Variants in RMND5A observed in about 807,000 individuals in gnomAD.
RMND5A encodes required for meiotic nuclear division 5 homolog A.
RMND5A carries 17 observed loss-of-function variants against 49.7 expected under a neutral mutation model. The observed-to-expected ratio is 0.34, with a 90% CI of 0.23 to 0.51. The LOEUF (loss-of-function observed/expected upper bound fraction) is 0.51. Ranked by LOEUF, RMND5A falls within the 20% of genes least tolerant of loss-of-function variation. RMND5A has a pLI of 0.96. For synonymous variants in RMND5A, 156 were observed against 167.7 expected, an observed-to-expected ratio of 0.93 and a Z score of 0.54; for missense variants, 255 against 471.3, an observed-to-expected ratio of 0.54 and a Z score of 4.25.
At chr2:86,760,893 T>C (rs926864604) in intron 4 of RMND5A, among the ~76,000 whole-genome samples, 9 of 152,160 alleles carry the variant, frequency 5.9e-5, no homozygotes, top group African/African-American at 1.7e-4. Context: ...TTTTCACTTA[T>C]ATTGCACTAG....
intron 2 of RMND5A, among the ~76,000 whole-genome samples, chr2:86,749,587 A>C (rs1369829870): frequency 6.6e-6 from 1 of 151,980 alleles, no homozygotes; most frequent in Admixed American, 6.5e-5. Flanking sequence ...ACGAGGTTTC[A>C]CCATGTTGGC....
At position 86,777,284 on chromosome 2, in the gene RMND5A, G is replaced by A. The variant is rs1442810869; in HGVS notation, c.*3873G>A. 1 of 152,158 alleles carries A rather than the reference G, an allele frequency of 6.6e-6. No homozygotes were observed. The highest frequency in any genetic ancestry group is 1.5e-5 in the Non-Finnish European group (1 of 68,028). The allele number at this position is 152,158 out of a possible 1,614,324, so 9.4% of individuals were successfully genotyped here. A position where few individuals can be genotyped will look rare whatever the true frequency, so the allele number is the denominator to read the frequency against. On this transcript the variant is annotated 3_prime_UTR_variant, in exon 9 of 9. Coordinates refer to ENST00000283632, the MANE Select transcript of RMND5A (RefSeq NM_022780.4). Reference sequence around the variant, plus strand: ...ACCTACATACACTCTTACTTTAGCAGTCACTTAACCTTCTCCAGCAAGGCA... The same window carrying A: ...ACCTACATACACTCTTACTTTAGCAATCACTTAACCTTCTCCAGCAAGGCA...
rs1401245841 is a variant in RMND5A, at chr2:86,775,864, CT to C, written c.*2454del. On this transcript the variant is annotated 3_prime_UTR_variant, in exon 9 of 9. Transcript: ENST00000283632. ...GCTGAGATACAGCATTCTGTCCCCC[CT>C]GCCCTAGAAACTCCATAAATGCTGT... The C allele has an allele frequency of 1.3e-5, 2 of 152,186 alleles. No individual in the cohort carries two copies. Among genetic ancestry groups the C allele is most frequent in the African/African-American group, 2.4e-5 (1 of 41,446 alleles). The allele number at this position is 152,186 out of a possible 1,614,324, so 9.4% of individuals were successfully genotyped here.
At position 86,776,763 on chromosome 2, in the gene RMND5A, C is replaced by T. The variant is rs978167088; in HGVS notation, c.*3352C>T. Reference sequence around the variant, plus strand: ...GTTATTTTCAGGGAAGGCATGGAGGCATAGTTTGGTTAGTTTCATCACTAG... The same window carrying T: ...GTTATTTTCAGGGAAGGCATGGAGGTATAGTTTGGTTAGTTTCATCACTAG... On this transcript the variant is annotated 3_prime_UTR_variant, in exon 9 of 9. Coordinates refer to ENST00000283632, the MANE Select transcript of RMND5A (RefSeq NM_022780.4). 6.6e-6 allele frequency: 1 copy of T among 152,196 alleles called. No individual in the cohort carries two copies. The highest frequency in any genetic ancestry group is 2.4e-5 in the African/African-American group (1 of 41,444). The allele number at this position is 152,196 out of a possible 1,614,324, so 9.4% of individuals were successfully genotyped here.
chr2:86,771,822 A>C (rs1573448053), intron 8 of RMND5A, 110 bp downstream of exon 8: 1 of 873,444 alleles, frequency 1.1e-6, no homozygotes, highest in South Asian at 2.2e-5. Flanking sequence ...TTAGAACTAA[A>C]TAAATTTCTT....
At chr2:86,769,883 C>A (rs1573447092) in intron 6 of RMND5A, 140 bp from the exon 7 acceptor site, 1 of 608,432 alleles carries the variant, frequency 1.6e-6, no homozygotes, top group South Asian at 2.3e-5. Flanking sequence ...GCTGGATTTA[C>A]TTTTAGCAGA....
chr2:86,747,864 ACTC>A (rs1475421523), intron 2 of RMND5A, among the ~76,000 whole-genome samples: 4 of 151,846 alleles, frequency 2.6e-5, no homozygotes, highest in African/African-American at 9.7e-5. Flanking sequence ...AAAGTTATTT[ACTC>A]CTCTTCTGCC....
At chr2:86,764,040 C>G (rs868847903) in intron 4 of RMND5A, among the ~76,000 whole-genome samples, 8 of 152,022 alleles carry the variant, frequency 5.3e-5, no homozygotes, top group African/African-American at 1.9e-4. Context: ...AGGTTAGGAC[C>G]CAGTAAAAGT....
chr2:86,744,123 G>A (rs967661617), intron 2 of RMND5A, among the ~76,000 whole-genome samples: 2 of 152,028 alleles, frequency 1.3e-5, no homozygotes, highest in African/African-American at 2.4e-5. Context: ...CACTCTCCCC[G>A]TATTTTTGGC....
chr2:86,756,944 C>T (rs923776713), intron 4 of RMND5A, among the ~76,000 whole-genome samples: 12 of 152,014 alleles, frequency 7.9e-5, no homozygotes, highest in Non-Finnish European at 1.5e-4. Context: ...GAGGCCAAGG[C>T]GGGCGAATCA....
rs541755089 is a variant in RMND5A, at chr2:86,746,680, TC to T, written c.286-5215del. On this transcript the variant is annotated intron_variant, in intron 2 of 8. Coordinates refer to ENST00000283632, the MANE Select transcript of RMND5A (RefSeq NM_022780.4). ...GGCACCCACTCTACATATGAATTTC[TC>T]TCCTTTCCATAGAATGGTAAGAGAT... 1.7e-3 allele frequency among the ~76,000 whole-genome samples: 265 copies of T among 152,316 alleles called. 3 individuals are homozygous for T. The highest frequency in any genetic ancestry group is 6.8e-4 in the Non-Finnish European group (46 of 68,020).
At position 86,773,996 on chromosome 2, in the gene RMND5A, A is replaced by C. The variant is rs1353179655; in HGVS notation, c.*585A>C. 1 of 152,678 alleles carries C rather than the reference A, an allele frequency of 6.5e-6. No individual in the cohort carries two copies. The highest frequency in any genetic ancestry group is 1.5e-5 in the Non-Finnish European group (1 of 68,064). 9.5% of individuals were successfully genotyped at this position (152,678 alleles called of 1,614,324 possible). A position where few individuals can be genotyped will look rare whatever the true frequency, so the allele number is the denominator to read the frequency against. ...AGCTCCAAGAAGTCAGCACACCTGC[A>C]TTTTAGCTCTGCATGCAGCCCCAGC... On this transcript the variant is annotated 3_prime_UTR_variant, in exon 9 of 9. Transcript: ENST00000283632.
intron 6 of RMND5A, among the ~76,000 whole-genome samples, chr2:86,769,738 A>G (rs1672659178): frequency 6.6e-6 from 1 of 150,758 alleles, no homozygotes; most frequent in Non-Finnish European, 1.5e-5. Context: ...GGTGAGGTTT[A>G]TTTAGAAAAT....
intron 4 of RMND5A, among the ~76,000 whole-genome samples, chr2:86,753,807 T>C (rs1001416698): frequency 2.6e-5 from 4 of 152,220 alleles, no homozygotes; most frequent in Non-Finnish European, 4.4e-5. Context: ...GGGTTTTCTG[T>C]TTCCAGGCTA....
chr2:86,754,364 A>C (rs960973931), intron 4 of RMND5A, among the ~76,000 whole-genome samples: 3 of 152,272 alleles, frequency 2.0e-5, no homozygotes, highest in Admixed American at 2.0e-4. Flanking sequence ...AATAAAGGGA[A>C]GAAACTGGAT....
At chr2:86,724,100 C>A (rs1340076224) in intron 1 of RMND5A, among the ~76,000 whole-genome samples, 1 of 142,568 alleles carries the variant, frequency 7.0e-6, no homozygotes, top group African/African-American at 2.6e-5. Flanking sequence ...TTTTTTTTTT[C>A]TTTTAAATGG....
intron 2 of RMND5A, among the ~76,000 whole-genome samples, chr2:86,750,611 G>A (rs1681617461): frequency 6.6e-6 from 1 of 152,126 alleles, no homozygotes; most frequent in Non-Finnish European, 1.5e-5. Flanking sequence ...CCATGTTGGA[G>A]TTCACTGACC....
chr2:86,747,642 A>G (rs980923364), intron 2 of RMND5A, among the ~76,000 whole-genome samples: 1 of 152,206 alleles, frequency 6.6e-6, no homozygotes, highest in African/African-American at 2.4e-5. Context: ...TGTTAATACT[A>G]TTAGGGAATT....
chr2:86,773,093 A>G (rs1672709635), intron 8 of RMND5A, among the ~76,000 whole-genome samples: 2 of 152,258 alleles, frequency 1.3e-5, no homozygotes, highest in South Asian at 2.1e-4. Flanking sequence ...AACAATTTCC[A>G]GAAAAGTTAC....
Sources: gnomAD v4.1 joint callset for allele counts (sites outside exome capture counted in the v4.1 genomes callset) on GRCh38, gnomAD v4.1.1 for gene constraint, MANE v1.5 for transcripts, NCBI Gene and HGNC (gene_info 2026-07-23, HGNC 2026-07-21) for gene names.